Variants in MMRN1 observed in about 807,000 individuals in gnomAD.
MMRN1 encodes the protein multimerin 1.
In MMRN1, 94 loss-of-function variants were observed where a neutral mutation model predicts 100.7. The ratio of observed to expected loss-of-function variants is 0.93; its 90% CI spans 0.79 to 1.11. The LOEUF is 1.11. Ranked by LOEUF, MMRN1 falls within the 50% of genes least tolerant of loss-of-function variation. The pLI, the probability that MMRN1 is intolerant of heterozygous loss-of-function variation, is 0.00. For missense variants in MMRN1, 1,606 were observed against 1,439.1 expected, an observed-to-expected ratio of 1.12 and a Z score of -1.88; for synonymous variants, 575 against 505.0, an observed-to-expected ratio of 1.14 and a Z score of -1.86.
chr4:89,925,682 T>C (rs1355984001), intron 4 of MMRN1, among the ~76,000 whole-genome samples: 2 of 151,816 alleles, frequency 1.3e-5, no homozygotes, highest in Non-Finnish European at 2.9e-5. Context: ...TAAAAAAAAT[T>C]AGCCACACGT....
chr4:89,900,470 A>G (rs544418032), intron 1 of MMRN1, among the ~76,000 whole-genome samples: 1 of 152,198 alleles, frequency 6.6e-6, no homozygotes, highest in Admixed American at 6.6e-5. Context: ...ACCTTCTCTT[A>G]CCACCCAATG....
chr4:89,940,214 G>A (rs1722779499), intron 6 of MMRN1, among the ~76,000 whole-genome samples: 1 of 152,118 alleles, frequency 6.6e-6, no homozygotes, highest in Non-Finnish European at 1.5e-5. Flanking sequence ...CCTTCCAAAA[G>A]CAGCTGAATC....
At chr4:89,890,392 G>A (rs893109775), upstream of MMRN1, among the ~76,000 whole-genome samples, 8 of 151,612 alleles carry the variant, frequency 5.3e-5, no homozygotes, top group African/African-American at 1.9e-4. Context: ...TTCCTAGTTT[G>A]CCAAATTCTC....
chr4:89,923,700 G>A (rs1355711827), intron 4 of MMRN1, among the ~76,000 whole-genome samples: 1 of 152,140 alleles, frequency 6.6e-6, no homozygotes, highest in African/African-American at 2.4e-5. Context: ...CTAAGAAATG[G>A]GATTATGACT....
chr4:89,953,367 C>G lies in MMRN1; in HGVS notation c.3636C>G (p.Ala1212=). ...WLRLAKGTIP[A]KFPPVTTFSG... ...GACTTGCAAAAGGAACAATTCCAGC[C>G]AAGTTTCCCCCTGTTACTACATTTA... Residue 1212 remains alanine (A), a synonymous_variant, in exon 8 of 8, where the codon GCC becomes GCG. Coordinates refer to ENST00000264790, the MANE Select transcript of MMRN1 (RefSeq NM_007351.3). 6.2e-7 allele frequency: 1 copy of G among 1,612,936 alleles called. No homozygotes were observed. The highest frequency in any genetic ancestry group is 8.5e-7 in the Non-Finnish European group (1 of 1,179,534).
chr4:89,919,740 A>G (rs577396614), intron 3 of MMRN1, among the ~76,000 whole-genome samples: 3 of 152,188 alleles, frequency 2.0e-5, no homozygotes, highest in African/African-American at 7.2e-5. Context: ...TTCATACTCA[A>G]GATACCCGAA....
At chr4:89,943,736 T>TCC (rs1427185835) in intron 6 of MMRN1, among the ~76,000 whole-genome samples, 1 of 152,156 alleles carries the variant, frequency 6.6e-6, no homozygotes, top group Non-Finnish European at 1.5e-5. Context: ...ACCACTGTAA[T>TCC]CCCAACACTT....
intron 3 of MMRN1, among the ~76,000 whole-genome samples, chr4:89,912,974 T>C (rs1277866106): frequency 6.6e-6 from 1 of 151,256 alleles, no homozygotes; most frequent in Non-Finnish European, 1.5e-5. Context: ...TTCAAAGATG[T>C]TATAAAAATT....
rs1722601087 is a variant in MMRN1, at chr4:89,935,692, C to A, written c.2012C>A (p.Ala671Glu). The A allele has an allele frequency of 6.2e-7, 1 of 1,612,568 alleles. No homozygotes were observed. The highest frequency in any genetic ancestry group is 1.7e-5 in the Admixed American group (1 of 59,860). Residue 671 changes from alanine (A) to glutamate (E), a missense_variant, in exon 6 of 8, where the codon GCA (alanine) becomes GAA (glutamate). Physicochemically the swap from Ala to Glu is moderately radical, Grantham distance 107. Transcript: ENST00000264790. ...QTMTYEQPKEAIVIRKKIENL... is the reference protein window; with the variant it reads ...QTMTYEQPKEEIVIRKKIENL... ...ATGACATATGAACAACCAAAGGAAG[C>A]AATAGTGATAAGGAAAAAGATAGAA...
Position 89,883,808 on chromosome 4 carries a change from C to A in MMRN1, c.-249+4206C>A, listed in dbSNP as rs145289128. Among the ~76,000 whole-genome samples the A allele has an allele frequency of 3.8e-3, 580 of 152,164 alleles. 4 individuals carry two copies. The highest frequency in any genetic ancestry group is 0.013 in the African/African-American group (558 of 41,540). The stretch of plus-strand genomic sequence containing the variant: ...TGTTTTCCGTATCTATCAAATAAAT[C>A]TTTCTCTATACCAAGACCATGAAGA... On this transcript the variant is annotated intron_variant, in intron 1 of 8. Transcript: ENST00000394980.
At chr4:89,942,094 C>G (rs1722849446) in intron 6 of MMRN1, among the ~76,000 whole-genome samples, 1 of 152,048 alleles carries the variant, frequency 6.6e-6, no homozygotes, top group Non-Finnish European at 1.5e-5. Flanking sequence ...TTCTCTGAAC[C>G]AAAATGTCTA....
chr4:89,952,675 T>C (rs571361562), intron 7 of MMRN1, among the ~76,000 whole-genome samples: 159 of 152,320 alleles, frequency 1.0e-3, no homozygotes, highest in Middle Eastern at 3.4e-3. Flanking sequence ...TAGAGTGCTT[T>C]GAATTCCTTT....
At chr4:89,931,990 A>G (rs900835769) in intron 5 of MMRN1, among the ~76,000 whole-genome samples, 6 of 152,190 alleles carry the variant, frequency 3.9e-5, no homozygotes, top group African/African-American at 1.4e-4. Flanking sequence ...TTAACTCAAG[A>G]GTCCACAGTC....
chr4:89,909,396 G>GA lies in MMRN1; in HGVS notation c.743+1_743+2insA. The GA allele has an allele frequency of 6.2e-7, 1 of 1,608,442 alleles. No individual in the cohort carries two copies. The highest frequency in any genetic ancestry group is 8.5e-7 in the Non-Finnish European group (1 of 1,176,908). ...GGACCGGTGGATCCTGTCCTCAGAGGTATGTAATATTTCTTGAAAATAGCC... is the reference window on the plus strand; with the variant it reads ...GGACCGGTGGATCCTGTCCTCAGAGGATATGTAATATTTCTTGAAAATAGCC... On this transcript the variant is annotated splice_donor_variant, in intron 2 of 7. Transcript: ENST00000264790. LOFTEE classifies it high-confidence loss of function.
chr4:89,900,559 A>T (rs1721351701), intron 1 of MMRN1, among the ~76,000 whole-genome samples: 1 of 151,998 alleles, frequency 6.6e-6, no homozygotes, highest in Admixed American at 6.6e-5. Flanking sequence ...ATTTGAAATT[A>T]TTCTACTTAT....
intron 2 of MMRN1, among the ~76,000 whole-genome samples, chr4:89,909,805 T>A (rs1421854217): frequency 6.6e-6 from 1 of 151,478 alleles, no homozygotes; most frequent in African/African-American, 2.4e-5. Context: ...TATAACTTGG[T>A]TCATATTCTA....
chr4:89,953,023 G>A lies in MMRN1; in HGVS notation c.3292G>A (p.Ala1098Thr), dbSNP rs541511255. 1.9e-6 allele frequency: 3 copies of A among 1,608,184 alleles called. No individual in the cohort carries two copies. Among genetic ancestry groups the A allele is most frequent in the East Asian group, 2.2e-5 (1 of 44,800 alleles). ...PDFSKGSYRYAPMVAFFASHT... is the reference protein window; with the variant it reads ...PDFSKGSYRYTPMVAFFASHT... Reference sequence around the variant, plus strand: ...TTTTTCCAAAGGATCTTACAGATATGCACCCATGGTGGCATTTTTTGCATC... The same window carrying A: ...TTTTTCCAAAGGATCTTACAGATATACACCCATGGTGGCATTTTTTGCATC... Residue 1098 changes from alanine to threonine, a missense_variant, in exon 8 of 8, where the codon GCA (alanine) becomes ACA (threonine). Coordinates refer to ENST00000264790, the MANE Select transcript of MMRN1 (RefSeq NM_007351.3).
At chr4:89,883,381 C>T (rs114828194) in intron 1 of MMRN1, among the ~76,000 whole-genome samples, 3,399 of 152,068 alleles carry the variant, frequency 0.022, 46 homozygotes, top group Non-Finnish European at 0.037. Context: ...TGCTTCACTC[C>T]ACTCCCATCC....
chr4:89,923,068 C>G, intron 3 of MMRN1, 100 bp from the exon 4 acceptor site: 7 of 931,242 alleles, frequency 7.5e-6, no homozygotes, highest in Non-Finnish European at 1.2e-5. Context: ...TGCTTCAGTA[C>G]GCGGGAAAAT....
Sources: allele counts gnomAD v4.1 joint callset (sites outside exome capture counted in the v4.1 genomes callset), GRCh38; gene constraint gnomAD v4.1.1; transcripts MANE v1.5; gene names NCBI Gene and HGNC (gene_info 2026-07-23, HGNC 2026-07-21).